LDLRAP1: variants seen among roughly 807,000 people sequenced by gnomAD.
The protein encoded by LDLRAP1 is low density lipoprotein receptor adaptor protein 1.
LDLRAP1 carries 30 observed loss-of-function variants against 37.8 expected under a neutral mutation model. That is an observed-to-expected ratio of 0.79 (90% CI 0.59 to 1.08). The LOEUF is 1.08. LDLRAP1 is among the 50% of genes least tolerant of loss of function. The probability of loss-of-function intolerance (pLI) is 0.00; values close to 1 mark genes in which losing one functional copy is unlikely to be tolerated. For missense variants in LDLRAP1, 375 were observed against 401.6 expected (o/e 0.93, Z 0.57); for synonymous variants, 156 against 169.8 (o/e 0.92, Z 0.63).
At chr1:25,571,359 T>A (rs2044602978), downstream of LDLRAP1, among the ~76,000 whole-genome samples, 1 of 152,190 alleles carries the variant, frequency 6.6e-6, no homozygotes, top group Non-Finnish European at 1.5e-5. Context: ...CCCTGCTTTG[T>A]CCCCAGTGGC....
At chr1:25,577,258 G>T in the LDLRAP1 span, among the ~76,000 whole-genome samples, 1 of 152,220 alleles carries the variant, frequency 6.6e-6, no homozygotes, top group Non-Finnish European at 1.5e-5. Context: ...CGGAGCTGAG[G>T]AGAGCCTTGC....
intron 5 of LDLRAP1, 63 bp downstream of exon 5, chr1:25,562,779 G>A (rs2044374488): frequency 1.4e-6 from 2 of 1,448,712 alleles, no homozygotes; most frequent in African/African-American, 1.4e-5. Flanking sequence ...AAGGCCCTGG[G>A]GTCAGACCTG....
intron 7 of LDLRAP1, chr1:25,564,308 G>T: frequency 5.5e-6 from 1 of 183,110 alleles, no homozygotes; most frequent in South Asian, 1.1e-4. Context: ...TTTTTCATTT[G>T]GAAATAATTT....
chr1:25,587,762 C>T, the LDLRAP1 span, among the ~76,000 whole-genome samples: 5 of 152,072 alleles, frequency 3.3e-5, no homozygotes, highest in Admixed American at 1.3e-4. Context: ...GTGGGCGTGG[C>T]GGGAGGACTC....
At chr1:25,577,970 G>A in the LDLRAP1 span, among the ~76,000 whole-genome samples, 1 of 152,198 alleles carries the variant, frequency 6.6e-6, no homozygotes, top group East Asian at 1.9e-4. Flanking sequence ...CAGTTACACA[G>A]GTCGGGAGCT....
chr1:25,576,442 C>G, the LDLRAP1 span, among the ~76,000 whole-genome samples: 1 of 152,180 alleles, frequency 6.6e-6, no homozygotes, highest in Non-Finnish European at 1.5e-5. Flanking sequence ...AGGAGAATCA[C>G]TTGAAACCAG....
chr1:25,563,011 TTGCTGGGGACAGAG>T (rs751725244), intron 5 of LDLRAP1, 45 bp from the exon 6 acceptor site: 254 of 1,523,602 alleles, frequency 1.7e-4, no homozygotes, highest in Admixed American at 9.2e-4. Context: ...TGCCCGGTGA[TTGCTGGGGACAGAG>T]TGCTGGGGTC....
intron 1 of LDLRAP1, among the ~76,000 whole-genome samples, chr1:25,547,957 G>T (rs958881692): frequency 5.3e-5 from 8 of 152,228 alleles, no homozygotes; most frequent in African/African-American, 1.9e-4. Context: ...GGGGCATGTG[G>T]CTTGAAGGAG....
intron 4 of LDLRAP1, among the ~76,000 whole-genome samples, chr1:25,560,621 T>G (rs2044321078): frequency 6.6e-6 from 1 of 152,196 alleles, no homozygotes; most frequent in Admixed American, 6.5e-5. Context: ...CATTGGCATC[T>G]TGGAGTGATC....
At chr1:25,559,463 G>A (rs1448005120) in intron 4 of LDLRAP1, among the ~76,000 whole-genome samples, 2 of 152,184 alleles carry the variant, frequency 1.3e-5, no homozygotes, top group Non-Finnish European at 2.9e-5. Context: ...GAGCCAGGCC[G>A]CTGCTCAGCC....
chr1:25,553,917 C>T lies in LDLRAP1; in HGVS notation c.89-5C>T, dbSNP rs1047665213. On this transcript the variant is annotated splice_region_variant and splice_polypyrimidine_tract_variant and intron_variant, in intron 1 of 8. Coordinates refer to ENST00000374338, the MANE Select transcript of LDLRAP1 (RefSeq NM_015627.3). ...GGTCTGAGGGCCTACCCTGTGCTACCCCAGAGCTGCCTGAGAACTGGACAG... is the reference window on the plus strand; with the variant it reads ...GGTCTGAGGGCCTACCCTGTGCTACTCCAGAGCTGCCTGAGAACTGGACAG... The T allele has an allele frequency of 1.2e-6, 2 of 1,613,326 alleles. No homozygotes were observed. Among genetic ancestry groups the T allele is most frequent in the Admixed American group, 1.7e-5 (1 of 59,982 alleles).
rs148916767 is a variant in LDLRAP1, at chr1:25,557,259, C to A, written c.451C>A (p.Arg151=). Residue 151 remains arginine (R), a synonymous_variant, in exon 4 of 9, where the codon CGG becomes AGG. Coordinates refer to ENST00000374338, the MANE Select transcript of LDLRAP1 (RefSeq NM_015627.3). ...LECHAFLCTK[R]KMAQAVTLTV... is the part of the protein sequence containing the mutation. ...GTGCCACGCCTTCCTCTGCACCAAG[C>A]GGAAGATGGTCAGCGGGGAGGGCTG... 5 of 1,597,656 alleles carry A rather than the reference C, an allele frequency of 3.1e-6. No homozygotes were observed. Among genetic ancestry groups the A allele is most frequent in the Non-Finnish European group, 4.3e-6 (5 of 1,167,212 alleles).
chr1:25,547,625 G>A (rs767033778), intron 1 of LDLRAP1, among the ~76,000 whole-genome samples: 8 of 152,194 alleles, frequency 5.3e-5, no homozygotes, highest in Non-Finnish European at 8.8e-5. Context: ...CACTGGAGGG[G>A]CAGTTCCCGG....
intron 7 of LDLRAP1, chr1:25,564,085 G>A: frequency 4.6e-6 from 2 of 437,788 alleles, no homozygotes; most frequent in South Asian, 4.1e-5. Context: ...AGGCGCCCTT[G>A]TTCTTGGTGT....
chr1:25,571,113 G>T (rs1286563364), downstream of LDLRAP1, among the ~76,000 whole-genome samples: 5 of 152,210 alleles, frequency 3.3e-5, no homozygotes, highest in East Asian at 9.6e-4. Flanking sequence ...TCTCCGTGCA[G>T]ATCAAGGCAA....
the LDLRAP1 span, among the ~76,000 whole-genome samples, chr1:25,578,151 C>CCTCTCTCTCTCTCT: frequency 6.6e-6 from 1 of 151,374 alleles, no homozygotes; most frequent in African/African-American, 2.4e-5. Context: ...AGAGTTATTT[C>CCTCTCTCTCTCTCT]CTCTCTCTCT....
intron 1 of LDLRAP1, chr1:25,553,649 C>T (rs1572032799): frequency 8.9e-6 from 4 of 447,224 alleles, no homozygotes; most frequent in Non-Finnish European, 1.7e-5. Context: ...GTCAGGAGTT[C>T]GAGACCAGCT....
Position 25,544,103 on chromosome 1 carries a change from C to T in LDLRAP1, c.88+317C>T, listed in dbSNP as rs944783122. Among the ~76,000 whole-genome samples the T allele has an allele frequency of 6.6e-6, 1 of 152,160 alleles. No homozygotes were observed. Among genetic ancestry groups the T allele is most frequent in the African/African-American group, 2.4e-5 (1 of 41,456 alleles). On this transcript the variant is annotated intron_variant, in intron 1 of 8. Coordinates refer to ENST00000374338, the MANE Select transcript of LDLRAP1 (RefSeq NM_015627.3). This position sits in a 1 kb window ranked among gnomAD's most constrained non-coding sequence, Gnocchi z 4.8. ...AGGCCCCCGCCACCCGCGGCACCTCCCGCCCTGCTGTCCTGGCCAGCTAGG... is the reference window on the plus strand; with the variant it reads ...AGGCCCCCGCCACCCGCGGCACCTCTCGCCCTGCTGTCCTGGCCAGCTAGG...
chr1:25,574,646 G>T, the LDLRAP1 span, among the ~76,000 whole-genome samples: 1 of 152,144 alleles, frequency 6.6e-6, no homozygotes, highest in Non-Finnish European at 1.5e-5. Flanking sequence ...GTGGAGGGCT[G>T]GTGTCTCTTG....
Sources: allele counts gnomAD v4.1 joint callset (sites outside exome capture counted in the v4.1 genomes callset), GRCh38; gene constraint gnomAD v4.1.1; non-coding constraint Gnocchi (gnomAD v3.1); transcripts MANE v1.5; gene names NCBI Gene and HGNC (gene_info 2026-07-23, HGNC 2026-07-21).